The following C1orf21 variants were observed in gnomAD, a reference collection of about 807,000 sequenced individuals.
C1orf21 encodes the protein chromosome 1 open reading frame 21.
Under a neutral mutation model 18.7 loss-of-function variants are expected in C1orf21, and 3 were observed. The observed-to-expected ratio is 0.16, with a 90% CI of 0.07 to 0.42. The LOEUF (loss-of-function observed/expected upper bound fraction) is 0.42. C1orf21 is among the 10% of genes least tolerant of loss of function. The pLI is 0.99. For synonymous variants in C1orf21, 41 were observed against 46.4 expected (o/e 0.88, Z 0.47); for missense variants, 104 against 143.6 (o/e 0.72, Z 1.41).
chr1:184,443,549 A>G lies in C1orf21; in HGVS notation c.-124-33837A>G, dbSNP rs116962982. On this transcript the variant is annotated intron_variant, in intron 1 of 5. Transcript: ENST00000235307. ...CTGAAAAGAAAATTTCCTTTTAAACATAGTACCTGTAAAAGTTAAAATAGG... is the reference window on the plus strand; with the variant it reads ...CTGAAAAGAAAATTTCCTTTTAAACGTAGTACCTGTAAAAGTTAAAATAGG... Among the ~76,000 whole-genome samples the G allele has an allele frequency of 1.8e-3, 270 of 152,292 alleles. 3 individuals carry two copies. In the East Asian group the frequency reaches 0.04, roughly 22 times the overall value.
Position 184,594,145 on chromosome 1 carries a change from A to G in C1orf21, c.266+3330A>G, listed in dbSNP as rs554354461. On this transcript the variant is annotated intron_variant, in intron 4 of 5. Transcript: ENST00000235307. Reference sequence around the variant, plus strand: ...TAAAAAAATAATTAACAAAATAAATAAAAGTGAGCTATGCATGAACTACTA... The same window carrying G: ...TAAAAAAATAATTAACAAAATAAATGAAAGTGAGCTATGCATGAACTACTA... Among the ~76,000 whole-genome samples, 250 of 152,322 alleles carry G rather than the reference A, an allele frequency of 1.6e-3. 1 individual carries two copies. The highest frequency in any genetic ancestry group is 4.2e-3 in the African/African-American group (175 of 41,580).
At chr1:184,406,103 G>T (rs61823504) in intron 1 of C1orf21, among the ~76,000 whole-genome samples, 234 of 152,300 alleles carry the variant, frequency 1.5e-3, no homozygotes, top group Middle Eastern at 6.8e-3. Flanking sequence ...GATCCTCTGT[G>T]TGAAGATAAA....
intron 1 of C1orf21, among the ~76,000 whole-genome samples, chr1:184,458,529 T>C (rs1246908057): frequency 6.6e-6 from 1 of 152,212 alleles, no homozygotes; most frequent in African/African-American, 2.4e-5. Flanking sequence ...ATATTATACC[T>C]GGCACATGTG....
At position 184,502,838 on chromosome 1, in the gene C1orf21, G is replaced by A. The variant is rs562963013; in HGVS notation, c.95-4750G>A. Among the ~76,000 whole-genome samples the A allele has an allele frequency of 2.1e-3, 320 of 152,062 alleles. 1 individual carries two copies. The highest frequency in any genetic ancestry group is 3.4e-3 in the Middle Eastern group (1 of 294). ...TACACCTGTAATTCCAACACTTTGGGAGTCTGAGGTGGGAGGATTGCTTGG... is the reference window on the plus strand; with the variant it reads ...TACACCTGTAATTCCAACACTTTGGAAGTCTGAGGTGGGAGGATTGCTTGG... On this transcript the variant is annotated intron_variant, in intron 2 of 5. Transcript: ENST00000235307.
At chr1:184,408,510 A>G (rs1390852264) in intron 1 of C1orf21, 1 of 152,200 alleles carries the variant, frequency 6.6e-6, no homozygotes, top group East Asian at 1.9e-4. Context: ...ATTCCATCCC[A>G]TCAGTGAGAA....
intron 1 of C1orf21, among the ~76,000 whole-genome samples, chr1:184,451,922 G>GT (rs1208640108): frequency 1.3e-5 from 2 of 152,052 alleles, no homozygotes; most frequent in African/African-American, 4.8e-5. Flanking sequence ...AAATAATTTT[G>GT]TTTTTAAAAA....
intron 2 of C1orf21, among the ~76,000 whole-genome samples, chr1:184,484,639 A>G (rs977324549): frequency 1.3e-5 from 2 of 152,150 alleles, no homozygotes; most frequent in African/African-American, 4.8e-5. Context: ...CTCCCATATA[A>G]CTAAGGTGGC....
At chr1:184,593,211 A>C (rs1192384719) in intron 4 of C1orf21, among the ~76,000 whole-genome samples, 1 of 152,184 alleles carries the variant, frequency 6.6e-6, no homozygotes, top group Non-Finnish European at 1.5e-5. Context: ...CACACTTCAC[A>C]GACTGGCATG....
intron 1 of C1orf21, among the ~76,000 whole-genome samples, chr1:184,441,936 G>A (rs939406585): frequency 6.6e-6 from 1 of 152,194 alleles, no homozygotes; most frequent in African/African-American, 2.4e-5. Context: ...AGCAATATTA[G>A]TGAATGTCAC....
intron 1 of C1orf21, among the ~76,000 whole-genome samples, chr1:184,437,478 C>T (rs1017125406): frequency 6.6e-6 from 1 of 152,032 alleles, no homozygotes; most frequent in Non-Finnish European, 1.5e-5. Context: ...GTTTTCTTTG[C>T]CTGGCGTCAC....
chr1:184,578,993 TAA>T (rs67905484), intron 3 of C1orf21, among the ~76,000 whole-genome samples: 11,055 of 121,698 alleles, frequency 0.091, 812 homozygotes, highest in African/African-American at 0.21. Context: ...TTGTGAAGGT[TAA>T]AAAAAAAAAA....
intron 3 of C1orf21, among the ~76,000 whole-genome samples, chr1:184,550,370 T>G (rs1658794345): frequency 1.3e-5 from 2 of 152,222 alleles, no homozygotes; most frequent in African/African-American, 4.8e-5. Flanking sequence ...AGAGGCAAAT[T>G]ATAATACTAT....
At chr1:184,580,265 C>T (rs564666845) in intron 3 of C1orf21, among the ~76,000 whole-genome samples, 2 of 152,202 alleles carry the variant, frequency 1.3e-5, no homozygotes, top group Non-Finnish European at 2.9e-5. Context: ...CGTTTCATCT[C>T]CTGTTACAAT....
intron 1 of C1orf21, among the ~76,000 whole-genome samples, chr1:184,409,830 G>T (rs1208566612): frequency 6.6e-6 from 1 of 152,138 alleles, no homozygotes; most frequent in Non-Finnish European, 1.5e-5. Context: ...TCTTATTTAT[G>T]CCCTTCTCTA....
At chr1:184,439,240 T>G (rs1345696396) in intron 1 of C1orf21, among the ~76,000 whole-genome samples, 1 of 151,884 alleles carries the variant, frequency 6.6e-6, no homozygotes, top group Non-Finnish European at 1.5e-5. Flanking sequence ...AAAACAAAAC[T>G]GTTCTTTTTC....
chr1:184,477,628 T>C (rs1261099783), intron 2 of C1orf21, 25 bp downstream of exon 2: 1 of 1,591,148 alleles, frequency 6.3e-7, no homozygotes, highest in Admixed American at 1.7e-5. Context: ...ACTTGACTCT[T>C]GACCCATTGA....
At position 184,604,086 on chromosome 1, in the gene C1orf21, A is replaced by G. The variant is rs1004033175; in HGVS notation, c.327+5625A>G. Among the ~76,000 whole-genome samples the G allele has an allele frequency of 7.9e-5, 12 of 152,256 alleles. 1 individual carries two copies. Among genetic ancestry groups the G allele is most frequent in the Admixed American group, 5.9e-4 (9 of 15,290 alleles). On this transcript the variant is annotated intron_variant, in intron 5 of 5. Transcript: ENST00000235307. The stretch of plus-strand genomic sequence containing the variant: ...ATCCAGTGAAGAGAGTGACTTGCAC[A>G]TAGTTGTGAACTATGATGTTGGGTT...
At chr1:184,563,172 T>A (rs1658990013) in intron 3 of C1orf21, among the ~76,000 whole-genome samples, 3 of 152,218 alleles carry the variant, frequency 2.0e-5, no homozygotes, top group Admixed American at 2.0e-4. Context: ...GAGATGCACA[T>A]CTTACCATCA....
intron 1 of C1orf21, among the ~76,000 whole-genome samples, chr1:184,461,305 C>A (rs1571369108): frequency 6.6e-6 from 1 of 152,270 alleles, no homozygotes; most frequent in African/African-American, 2.4e-5. Context: ...GGGAGAAGAA[C>A]CACAAAATTC....
Sources: allele counts gnomAD v4.1 joint callset (sites outside exome capture counted in the v4.1 genomes callset), GRCh38; gene constraint gnomAD v4.1.1; transcripts MANE v1.5; gene names NCBI Gene and HGNC (gene_info 2026-07-23, HGNC 2026-07-21).